Variants in XPNPEP3 observed in about 807,000 individuals in gnomAD.
XPNPEP3 encodes X-prolyl aminopeptidase 3.
A neutral mutation model predicts 60.0 loss-of-function variants in XPNPEP3; 41 were observed. That is an observed-to-expected ratio of 0.68 (90% CI 0.53 to 0.89). XPNPEP3 has a LOEUF of 0.89. XPNPEP3 is among the 40% of genes least tolerant of loss of function. The probability of loss-of-function intolerance (pLI) is 0.00; values close to 1 mark genes in which losing one functional copy is unlikely to be tolerated. For synonymous variants in XPNPEP3, 212 were observed against 223.2 expected (o/e 0.95, Z 0.45); for missense variants, 598 against 638.9 (o/e 0.94, Z 0.69).
chr22:40,891,711 T>C (rs1338006463), intron 4 of XPNPEP3, among the ~76,000 whole-genome samples: 1 of 151,538 alleles, frequency 6.6e-6, no homozygotes, highest in African/African-American at 2.4e-5. Context: ...AGAAGGATCC[T>C]GCAACAGAAC....
At chr22:40,862,667 C>T in intron 1 of XPNPEP3, 2 of 985,380 alleles carry the variant, frequency 2.0e-6, no homozygotes, top group Non-Finnish European at 2.4e-6. Context: ...TGTTAACTTT[C>T]TGCATGCCAG....
intron 2 of XPNPEP3, among the ~76,000 whole-genome samples, chr22:40,872,591 CA>C (rs1396648936): frequency 6.6e-6 from 1 of 152,076 alleles, no homozygotes; most frequent in East Asian, 1.9e-4. Flanking sequence ...GCTGGGATTA[CA>C]GGCGCCTGCT....
chr22:40,902,470 T>C (rs1022897485), intron 4 of XPNPEP3, among the ~76,000 whole-genome samples: 4 of 152,112 alleles, frequency 2.6e-5, no homozygotes, highest in African/African-American at 7.2e-5. Flanking sequence ...CAGGATGGTC[T>C]CGATCTCCTG....
intron 4 of XPNPEP3, among the ~76,000 whole-genome samples, chr22:40,903,883 C>T (rs1212805408): frequency 6.8e-6 from 1 of 146,828 alleles, no homozygotes; most frequent in African/African-American, 2.5e-5. Context: ...GTCACACACA[C>T]ACACACACAC....
chr22:40,871,028 CA>C (rs913073546), intron 2 of XPNPEP3, among the ~76,000 whole-genome samples: 8 of 144,822 alleles, frequency 5.5e-5, no homozygotes, highest in African/African-American at 2.0e-4. Context: ...GACTCTGTCT[CA>C]AAAAAAAAGG....
At chr22:40,910,957 G>A (rs553982447) in intron 6 of XPNPEP3, among the ~76,000 whole-genome samples, 63 of 152,288 alleles carry the variant, frequency 4.1e-4, no homozygotes, top group African/African-American at 1.4e-3. Flanking sequence ...GCAATGAGCC[G>A]AGATCGCGCC....
chr22:40,900,836 G>T (rs971747809), intron 4 of XPNPEP3, among the ~76,000 whole-genome samples: 14 of 152,122 alleles, frequency 9.2e-5, no homozygotes. Context: ...ACGAGGCTGA[G>T]GTGGGAGGAT....
chr22:40,899,266 G>C (rs180852956), intron 4 of XPNPEP3, among the ~76,000 whole-genome samples: 43 of 152,214 alleles, frequency 2.8e-4, no homozygotes, highest in Non-Finnish European at 4.9e-4. Context: ...AGCTCCATCT[G>C]TTGATCAAAA....
In XPNPEP3 at chr22:40,881,915, C is replaced by T. The variant is rs183157249; in HGVS notation, c.327C>T (p.Asn109=). The change falls in exon 3 of 10, where the codon AAC becomes AAT. Residue 109 remains asparagine (N), a synonymous_variant. Transcript: ENST00000357137. ...CCAACCCTACATACTACATGAGCAA[C>T]GATATTCCCTATACTTTCCACCAAG... The part of the protein sequence containing the change: ...VLSNPTYYMS[N]DIPYTFHQDN... The T allele has an allele frequency of 8.7e-6, 14 of 1,614,116 alleles. No homozygotes were observed. Among genetic ancestry groups the T allele is most frequent in the East Asian group, 6.7e-5 (3 of 44,874 alleles).
chr22:40,892,347 G>A (rs927113675), intron 4 of XPNPEP3, among the ~76,000 whole-genome samples: 1 of 152,078 alleles, frequency 6.6e-6, no homozygotes, highest in African/African-American at 2.4e-5. Context: ...ACCAGGCCCA[G>A]CTAACGTTTT....
intron 7 of XPNPEP3, among the ~76,000 whole-genome samples, chr22:40,918,929 G>C (rs1423629305): frequency 6.7e-6 from 1 of 149,634 alleles, no homozygotes; most frequent in Non-Finnish European, 1.5e-5. Flanking sequence ...TGCAACCTCC[G>C]GCTCCCAGGT....
chr22:40,910,566 C>A (rs540530837), intron 6 of XPNPEP3, among the ~76,000 whole-genome samples: 2 of 151,676 alleles, frequency 1.3e-5, no homozygotes, highest in Non-Finnish European at 2.9e-5. Context: ...ATGAACCAGG[C>A]GTGATGGTAC....
rs1431743987 is a variant in XPNPEP3 at position 40,881,945 on chromosome 22, C to T, written c.357C>T (p.Asn119=). 36 of 1,614,010 alleles carry T rather than the reference C, an allele frequency of 2.2e-5. No individual in the cohort carries two copies. Among genetic ancestry groups the T allele is most frequent in the Non-Finnish European group, 3.1e-5 (36 of 1,180,024 alleles). Reference sequence around the variant, plus strand: ...TTCCCTATACTTTCCACCAAGACAACAATTTCCTGTACCTATGTGGATTCC... The same window carrying T: ...TTCCCTATACTTTCCACCAAGACAATAATTTCCTGTACCTATGTGGATTCC... ...NDIPYTFHQD[N]NFLYLCGFQE... Residue 119 remains asparagine (N), a synonymous_variant, in exon 3 of 10, where the codon AAC becomes AAT. Coordinates refer to ENST00000357137, the MANE Select transcript of XPNPEP3 (RefSeq NM_022098.4).
At chr22:40,883,852 A>G (rs760197708) in intron 3 of XPNPEP3, among the ~76,000 whole-genome samples, 28 of 152,152 alleles carry the variant, frequency 1.8e-4, no homozygotes, top group Non-Finnish European at 1.8e-4. Flanking sequence ...GAAGTATCTT[A>G]TTTGGAAAAT....
At chr22:40,885,154 A>G (rs886292847) in intron 3 of XPNPEP3, among the ~76,000 whole-genome samples, 2 of 152,218 alleles carry the variant, frequency 1.3e-5, no homozygotes, top group African/African-American at 2.4e-5. Flanking sequence ...ATAGAATCAC[A>G]TAGGACATAG....
chr22:40,902,810 A>T (rs549555585), intron 4 of XPNPEP3, among the ~76,000 whole-genome samples: 42 of 152,344 alleles, frequency 2.8e-4, no homozygotes, highest in South Asian at 6.2e-4. Context: ...AAAGTTAAAG[A>T]TATGTATCAC....
intron 4 of XPNPEP3, among the ~76,000 whole-genome samples, chr22:40,899,219 T>A (rs1227136382): frequency 1.3e-5 from 2 of 151,996 alleles, no homozygotes; most frequent in Non-Finnish European, 2.9e-5. Context: ...AGCTGACTCA[T>A]CAAAAAAATG....
chr22:40,899,362 C>T (rs2058122290), intron 4 of XPNPEP3, among the ~76,000 whole-genome samples: 1 of 152,194 alleles, frequency 6.6e-6, no homozygotes, highest in Admixed American at 6.5e-5. Flanking sequence ...AGCAGACCTA[C>T]CAGCGATTCA....
chr22:40,926,382 G>A lies in XPNPEP3; in HGVS notation c.1471G>A (p.Asp491Asn), dbSNP rs2058234825. The change falls in exon 10 of 10, where the codon GAC becomes AAC. Residue 491 changes from aspartate (D) to asparagine (N), a missense_variant. Physicochemically the swap from Asp to Asn is conservative, Grantham distance 23 (BLOSUM62 1). Transcript: ENST00000357137. ...TQDSPLILSA[D>N]CPKEMNDIEQ... ...GGACTCACCTCTCATCCTTTCTGCA[G>A]ACTGTCCCAAAGAGATGAATGACAT... The A allele has an allele frequency of 2.5e-6, 4 of 1,614,146 alleles. No individual in the cohort carries two copies. The highest frequency in any genetic ancestry group is 3.4e-6 in the Non-Finnish European group (4 of 1,180,020).
Sources: gnomAD v4.1 joint callset for allele counts (sites outside exome capture counted in the v4.1 genomes callset) on GRCh38, gnomAD v4.1.1 for gene constraint, MANE v1.5 for transcripts, NCBI Gene and HGNC (gene_info 2026-07-23, HGNC 2026-07-21) for gene names.